Variants in SLC10A7 observed in about 807,000 individuals in gnomAD.
SLC10A7 encodes the protein solute carrier family 10 member 7, also known as sodium/bile acid cotransporter 7.
A neutral mutation model predicts 43.2 loss-of-function variants in SLC10A7; 29 were observed. That is an observed-to-expected ratio of 0.67 (90% CI 0.50 to 0.92). SLC10A7 has a LOEUF of 0.92. Among genes scored for constraint, SLC10A7 ranks in the 40% least tolerant of loss-of-function variants. The pLI, the probability that SLC10A7 is intolerant of heterozygous loss-of-function variation, is 0.00. For synonymous variants in SLC10A7, 152 were observed against 144.8 expected (o/e 1.05, Z -0.35); for missense variants, 295 against 403.2 (o/e 0.73, Z 2.30).
intron 4 of SLC10A7, among the ~76,000 whole-genome samples, chr4:146,471,728 T>A (rs533466767): frequency 5.3e-5 from 8 of 152,324 alleles, no homozygotes; most frequent in African/African-American, 1.9e-4. Flanking sequence ...CATTTAAAAT[T>A]CATATTATAC....
intron 4 of SLC10A7, among the ~76,000 whole-genome samples, chr4:146,450,322 A>G (rs1047853026): frequency 2.0e-5 from 3 of 152,162 alleles, no homozygotes; most frequent in Admixed American, 6.6e-5. Context: ...TAGGTATTCT[A>G]TGTAATCTAG....
At chr4:146,325,774 T>C (rs528006547) in intron 6 of SLC10A7, among the ~76,000 whole-genome samples, 187 bp downstream of exon 6, 2 of 152,340 alleles carry the variant, frequency 1.3e-5, no homozygotes, top group African/African-American at 4.8e-5. Context: ...CTGATCCTGT[T>C]CTTGGATCAT....
At chr4:146,443,331 G>C (rs1407326160) in intron 4 of SLC10A7, among the ~76,000 whole-genome samples, 1 of 152,156 alleles carries the variant, frequency 6.6e-6, no homozygotes, top group Admixed American at 6.5e-5. Context: ...GACCAGGAAA[G>C]TTATTGCTGT....
intron 5 of SLC10A7, among the ~76,000 whole-genome samples, chr4:146,361,434 G>A (rs1369396703): frequency 6.6e-6 from 1 of 152,142 alleles, no homozygotes; most frequent in Admixed American, 6.5e-5. Flanking sequence ...CGACTTGCCT[G>A]GTAATCCAGG....
chr4:146,277,034 C>T (rs72727994), intron 10 of SLC10A7, among the ~76,000 whole-genome samples: 6,825 of 152,156 alleles, frequency 0.045, 185 homozygotes, highest in Middle Eastern at 0.086. Context: ...AAAACCTTCT[C>T]GCTAAGCAAG....
At chr4:146,475,517 G>T (rs2357082) in intron 4 of SLC10A7, among the ~76,000 whole-genome samples, 1 of 151,948 alleles carries the variant, frequency 6.6e-6, no homozygotes, top group Non-Finnish European at 1.5e-5. Context: ...TGCCTTCCAC[G>T]ATTGCCCTTC....
intron 4 of SLC10A7, among the ~76,000 whole-genome samples, chr4:146,450,810 C>T (rs1025263678): frequency 3.3e-5 from 5 of 152,088 alleles, no homozygotes; most frequent in African/African-American, 1.2e-4. Context: ...GGCAGTGGAA[C>T]TTCTAAGTCC....
chr4:146,322,461 C>T (rs1732785647), intron 6 of SLC10A7, among the ~76,000 whole-genome samples: 1 of 146,184 alleles, frequency 6.8e-6, no homozygotes, highest in African/African-American at 2.5e-5. Context: ...TGAGTCAGAA[C>T]ATGCGGTGTT....
chr4:146,321,052 TGA>T (rs1732673648), intron 6 of SLC10A7, among the ~76,000 whole-genome samples: 1 of 152,096 alleles, frequency 6.6e-6, no homozygotes, highest in Non-Finnish European at 1.5e-5. Flanking sequence ...CTCCTATGCC[TGA>T]ATACCCAGAA....
At chr4:146,352,473 TCAA>T (rs1474881046) in intron 5 of SLC10A7, among the ~76,000 whole-genome samples, 19 of 144,136 alleles carry the variant, frequency 1.3e-4, no homozygotes, top group East Asian at 1.0e-3. Flanking sequence ...ATTAGACAGA[TCAA>T]CGAGACAGAA....
intron 5 of SLC10A7, among the ~76,000 whole-genome samples, chr4:146,411,910 G>C (rs756134873): frequency 1.3e-5 from 2 of 152,076 alleles, no homozygotes; most frequent in East Asian, 3.8e-4. Context: ...GGAAATAACA[G>C]TTTAAATGTA....
chr4:146,318,494 A>C (rs1301651256), intron 6 of SLC10A7, among the ~76,000 whole-genome samples: 1 of 152,118 alleles, frequency 6.6e-6, no homozygotes, highest in Non-Finnish European at 1.5e-5. Context: ...TCAACTGGTC[A>C]TTCCTTGGTC....
At chr4:146,303,690 T>C (rs1221917405) in intron 7 of SLC10A7, among the ~76,000 whole-genome samples, 1 of 152,178 alleles carries the variant, frequency 6.6e-6, no homozygotes, top group Non-Finnish European at 1.5e-5. Flanking sequence ...TATACATACA[T>C]TTTTTATATT....
intron 10 of SLC10A7, among the ~76,000 whole-genome samples, chr4:146,275,332 GC>G (rs1729139627): frequency 6.6e-6 from 1 of 152,064 alleles, no homozygotes; most frequent in African/African-American, 2.4e-5. Flanking sequence ...GAATAGTAGA[GC>G]TAGAAGAGCC....
At chr4:146,459,399 T>C (rs187736541) in intron 4 of SLC10A7, among the ~76,000 whole-genome samples, 6 of 151,730 alleles carry the variant, frequency 4.0e-5, no homozygotes, top group Admixed American at 1.3e-4. Flanking sequence ...CTTAGAAAAG[T>C]TGGAAGACTC....
At chr4:146,484,539 G>C (rs1734759423) in intron 4 of SLC10A7, among the ~76,000 whole-genome samples, 1 of 152,052 alleles carries the variant, frequency 6.6e-6, no homozygotes, top group Non-Finnish European at 1.5e-5. Flanking sequence ...AAAAACAGTG[G>C]TTACTGGGGA....
At chr4:146,496,685 T>C (rs986873751) in intron 4 of SLC10A7, among the ~76,000 whole-genome samples, 2 of 152,186 alleles carry the variant, frequency 1.3e-5, no homozygotes, top group Non-Finnish European at 2.9e-5. Context: ...ATCCATTTAT[T>C]TCATCAGACA....
chr4:146,262,880 C>T (rs1728323245), intron 10 of SLC10A7, among the ~76,000 whole-genome samples: 1 of 152,224 alleles, frequency 6.6e-6, no homozygotes, highest in African/African-American at 2.4e-5. Flanking sequence ...TCACATCACG[C>T]AGAAGTGTAT....
chr4:146,470,028 G>A (rs1163834282), intron 4 of SLC10A7, among the ~76,000 whole-genome samples: 2 of 152,104 alleles, frequency 1.3e-5, no homozygotes, highest in African/African-American at 4.8e-5. Flanking sequence ...GCTACGTTTG[G>A]GGCAGATATA....
Sources: allele counts gnomAD v4.1 joint callset (sites outside exome capture counted in the v4.1 genomes callset), GRCh38; gene constraint gnomAD v4.1.1; transcripts MANE v1.5; gene names NCBI Gene and HGNC (gene_info 2026-07-23, HGNC 2026-07-21).